PRKD3: variants seen among roughly 807,000 people sequenced by gnomAD.
PRKD3 encodes the protein protein kinase D3.
Under a neutral mutation model 99.2 loss-of-function variants are expected in PRKD3, and 47 were observed. The ratio of observed to expected loss-of-function variants is 0.47; its 90% CI spans 0.38 to 0.60. The LOEUF is 0.60. Ranked by LOEUF, PRKD3 falls within the 20% of genes least tolerant of loss-of-function variation. PRKD3 has a pLI of 0.00. For missense variants in PRKD3, 1,019 were observed against 1,088.4 expected (o/e 0.94, Z 0.90); for synonymous variants, 392 against 355.4 (o/e 1.10, Z -1.16).
intron 14 of PRKD3, among the ~76,000 whole-genome samples, chr2:37,266,310 C>T (rs1206408678): frequency 6.6e-6 from 1 of 152,144 alleles, no homozygotes; most frequent in Non-Finnish European, 1.5e-5. Context: ...GCAAATGGGG[C>T]TCTGACAGCA....
At chr2:37,266,180 G>A (rs1668824772) in intron 14 of PRKD3, among the ~76,000 whole-genome samples, 1 of 152,156 alleles carries the variant, frequency 6.6e-6, no homozygotes, top group African/African-American at 2.4e-5. Context: ...CTGAAAAAGT[G>A]AGGTAAATGT....
chr2:37,287,819 A>G (rs1254048109), intron 5 of PRKD3, among the ~76,000 whole-genome samples: 1 of 152,222 alleles, frequency 6.6e-6, no homozygotes, highest in Admixed American at 6.5e-5. Context: ...CTTACCCCTC[A>G]GGTTACAAAA....
intron 2 of PRKD3, among the ~76,000 whole-genome samples, chr2:37,306,589 G>A (rs1420553390): frequency 3.3e-5 from 5 of 152,096 alleles, no homozygotes; most frequent in Admixed American, 1.3e-4. Context: ...TGGAGGGAAC[G>A]CTTGAGCCCG....
intron 7 of PRKD3, among the ~76,000 whole-genome samples, chr2:37,280,735 T>C (rs1052813569): frequency 4.6e-5 from 7 of 152,100 alleles, no homozygotes; most frequent in African/African-American, 1.7e-4. Context: ...AAAAGATAAG[T>C]GACAACATAA....
rs770925407 is a variant in PRKD3 at position 37,259,700 on chromosome 2, T to C, written c.2047-19A>G. ...CAAGTATCTGTTATGAAAAAAGATT[T>C]TCTTTTCAATGTCTGGAAAATCACA... On this transcript the variant is annotated intron_variant, in intron 15 of 18. Coordinates refer to ENST00000234179, the MANE Select transcript of PRKD3 (RefSeq NM_005813.6). 2.6e-6 allele frequency: 4 copies of C among 1,548,824 alleles called. No homozygotes were observed. Among genetic ancestry groups the C allele is most frequent in the Middle Eastern group, 1.7e-4 (1 of 5,910 alleles).
intron 12 of PRKD3, 54 bp from the exon 13 acceptor site, chr2:37,269,741 A>G: frequency 1.6e-6 from 2 of 1,250,468 alleles, no homozygotes; most frequent in Non-Finnish European, 2.3e-6. Flanking sequence ...TACAATGTCA[A>G]CATCTCTGAC....
At chr2:37,276,805 C>T (rs543548344) in intron 9 of PRKD3, among the ~76,000 whole-genome samples, 3 of 139,778 alleles carry the variant, frequency 2.1e-5, no homozygotes, top group Non-Finnish European at 4.6e-5. Context: ...CACACACACA[C>T]ATACACATAT....
chr2:37,289,615 G>T lies in PRKD3; in HGVS notation c.560-102C>A, dbSNP rs75445727. 1,296 of 1,002,126 alleles carry T rather than the reference G, an allele frequency of 1.3e-3. 13 individuals are homozygous for T. In the African/African-American group the frequency reaches 0.017, roughly 13 times the overall value. The allele number at this position is 1,002,126 out of a possible 1,614,324, so 62.1% of individuals were successfully genotyped here. On this transcript the variant is annotated intron_variant, in intron 4 of 18. Transcript: ENST00000234179. ...GCTTCTTTTATTTAACATATTTTCT[G>T]TTAGCCATACCTATCCTAATTAAGA... is the stretch of plus-strand genomic sequence containing the variant.
chr2:37,291,753 G>C (rs1017899756), intron 3 of PRKD3, among the ~76,000 whole-genome samples: 1 of 152,154 alleles, frequency 6.6e-6, no homozygotes, highest in East Asian at 1.9e-4. Flanking sequence ...GGACTAATAA[G>C]GACAGAGAGG....
intron 2 of PRKD3, among the ~76,000 whole-genome samples, chr2:37,314,396 C>G (rs150250050): frequency 2.6e-5 from 4 of 152,280 alleles, no homozygotes; most frequent in African/African-American, 7.2e-5. Flanking sequence ...TGACATCACT[C>G]TAGTTGCTCA....
chr2:37,269,595 A>T lies in PRKD3; in HGVS notation c.1777+20T>A. ...TTTTAAAATAATGTGTACAATATGC[A>T]AACGGCTGTAGTTGCTTACCTCCAT... On this transcript the variant is annotated intron_variant, in intron 13 of 18. Transcript: ENST00000234179. 5.7e-6 allele frequency: 9 copies of T among 1,590,742 alleles called. No individual in the cohort carries two copies. The highest frequency in any genetic ancestry group is 7.8e-6 in the Non-Finnish European group (9 of 1,158,818).
chr2:37,276,596 CA>C lies in PRKD3; in HGVS notation c.1297-753del, dbSNP rs1440508713. Among the ~76,000 whole-genome samples, 5 of 151,652 alleles carry C rather than the reference CA, an allele frequency of 3.3e-5. No individual in the cohort carries two copies. The East Asian group carries it at 7.7e-4, about 23-fold the overall frequency. On this transcript the variant is annotated intron_variant, in intron 9 of 18. Transcript: ENST00000234179. ...TAGAATGAGCTGAAAATATTTTTTC[CA>C]GTTTCTCATTTGTCTTTGCTTTTGG...
At chr2:37,286,086 G>T in intron 6 of PRKD3, 91 bp downstream of exon 6, 6 of 1,064,884 alleles carry the variant, frequency 5.6e-6, no homozygotes, top group Middle Eastern at 2.4e-4. Context: ...TAATTTCTTT[G>T]GCTAATGCTT....
intron 2 of PRKD3, among the ~76,000 whole-genome samples, chr2:37,295,300 T>C (rs565234695): frequency 6.6e-6 from 1 of 151,862 alleles, no homozygotes; most frequent in Non-Finnish European, 1.5e-5. Flanking sequence ...TAAAAAATTA[T>C]AGAAGGAGGA....
chr2:37,262,827 G>C (rs992727319), intron 14 of PRKD3, among the ~76,000 whole-genome samples: 1 of 151,948 alleles, frequency 6.6e-6, no homozygotes, highest in African/African-American at 2.4e-5. Context: ...CTTTCATTGA[G>C]AATTACCCAT....
At chr2:37,290,729 T>G in intron 4 of PRKD3, 139 bp downstream of exon 4, 1 of 879,786 alleles carries the variant, frequency 1.1e-6, no homozygotes, top group Non-Finnish European at 1.7e-6. Context: ...AGAGATAAAA[T>G]GAGAGTCCTG....
chr2:37,266,801 AT>A, intron 14 of PRKD3, among the ~76,000 whole-genome samples: 1 of 152,252 alleles, frequency 6.6e-6, no homozygotes, highest in Middle Eastern at 3.4e-3. Context: ...ATGAGCTATT[AT>A]ACGACCATGA....
At chr2:37,312,477 G>C (rs552645450) in intron 2 of PRKD3, among the ~76,000 whole-genome samples, 2 of 152,254 alleles carry the variant, frequency 1.3e-5, no homozygotes, top group African/African-American at 4.8e-5. Flanking sequence ...TCAAAGTCTT[G>C]TTATAGCTCT....
chr2:37,268,592 G>C, intron 13 of PRKD3: 1 of 245,530 alleles, frequency 4.1e-6, no homozygotes, highest in Non-Finnish European at 8.1e-6. Context: ...TACCAAAGGG[G>C]AACCATGTTT....
Sources: gnomAD v4.1 joint callset for allele counts (sites outside exome capture counted in the v4.1 genomes callset) on GRCh38, gnomAD v4.1.1 for gene constraint, MANE v1.5 for transcripts, NCBI Gene and HGNC (gene_info 2026-07-23, HGNC 2026-07-21) for gene names.